PCM1: variants seen among roughly 807,000 people sequenced by gnomAD.
PCM1 encodes the protein pericentriolar material 1 protein.
Under a neutral mutation model 241.9 loss-of-function variants are expected in PCM1, and 157 were observed. The observed-to-expected ratio is 0.65, with a 90% CI of 0.57 to 0.74. The LOEUF is 0.74. Ranked by LOEUF, PCM1 falls within the 30% of genes least tolerant of loss-of-function variation. The pLI, the probability that PCM1 is intolerant of heterozygous loss-of-function variation, is 0.00. For missense variants in PCM1, 3,478 were observed against 2,360.1 expected, an observed-to-expected ratio of 1.47 and a Z score of -9.81; for synonymous variants, 1,085 against 784.9, an observed-to-expected ratio of 1.38 and a Z score of -6.39.
intron 2 of PCM1, chr8:17,934,812 C>T (rs986354163): frequency 2.6e-5 from 4 of 152,174 alleles, no homozygotes; most frequent in Non-Finnish European, 5.9e-5. Flanking sequence ...GCCTTTGAAC[C>T]TCTACTTCCA....
intron 34 of PCM1, among the ~76,000 whole-genome samples, chr8:18,012,305 A>G (rs1269862203): frequency 1.3e-5 from 2 of 152,172 alleles, no homozygotes; most frequent in Non-Finnish European, 2.9e-5. Flanking sequence ...TAATCACTTA[A>G]TAGCCATCTA....
In PCM1 at chr8:17,969,673, C is replaced by A; in HGVS notation, c.3509C>A (p.Ser1170Tyr). 6.2e-7 allele frequency: 1 copy of A among 1,613,080 alleles called. No homozygotes were observed. Among genetic ancestry groups the A allele is most frequent in the South Asian group, 1.1e-5 (1 of 91,026 alleles). Residue 1170 changes from serine to tyrosine, a missense_variant, in exon 22 of 39, where the codon TCT (serine) becomes TAT (tyrosine). Transcript: ENST00000325083. Reference protein sequence around the residue: ...SEQQQPLAQNSSGKTEYMAFP... With the variant: ...SEQQQPLAQNYSGKTEYMAFP... The stretch of plus-strand genomic sequence containing the variant: ...CAGCAGCAACCCTTAGCCCAGAATT[C>A]TTCAGGAAAAACAGAATATATGGCT...
Position 17,961,900 on chromosome 8 carries a change from T to C in PCM1, c.2323-134T>C. The C allele has an allele frequency of 9.6e-6, 6 of 623,060 alleles. No individual in the cohort carries two copies. The South Asian group carries it at 1.5e-4, about 15-fold the overall frequency. The allele number at this position is 623,060 out of a possible 1,614,324, so 38.6% of individuals were successfully genotyped here. A position where few individuals can be genotyped will look rare whatever the true frequency, so the allele number is the denominator to read the frequency against. On this transcript the variant is annotated intron_variant, in intron 15 of 38. Coordinates refer to ENST00000325083, the MANE Select transcript of PCM1 (RefSeq NM_006197.4). The stretch of plus-strand genomic sequence containing the variant: ...CTTATTTCATGTTATCTTCGGATGA[T>C]GATGGAAGTCAGGGTCTGATAGCAG...
rs752202203 is a variant in PCM1, at chr8:18,011,343, G to GTGAAGGATGTCCAGTGTC, written c.5329_5346dup (p.Glu1777_Ser1782dup). On this transcript the variant is annotated inframe_insertion, in exon 33 of 39. Coordinates refer to ENST00000325083, the MANE Select transcript of PCM1 (RefSeq NM_006197.4). ...TCTGATCAAGAGGAAGATGAAGAAA[G>GTGAAGGATGTCCAGTGTC]TGAAGGATGTCCAGTGTCTATTAGT... The GTGAAGGATGTCCAGTGTC allele has an allele frequency of 5.2e-5, 84 of 1,601,152 alleles. No homozygotes were observed. The Middle Eastern group carries it at 8.3e-4, about 16-fold the overall frequency.
intron 25 of PCM1, among the ~76,000 whole-genome samples, 154 bp from the exon 26 acceptor site, chr8:17,985,805 T>G (rs1439185906): frequency 6.6e-6 from 1 of 151,816 alleles, no homozygotes; most frequent in African/African-American, 2.4e-5. Context: ...TTTGAGTACT[T>G]TTTCAGTGTT....
chr8:17,951,838 A>G (rs1479108668), intron 8 of PCM1, among the ~76,000 whole-genome samples: 2 of 152,192 alleles, frequency 1.3e-5, no homozygotes, highest in Admixed American at 6.5e-5. Context: ...ATATGGGAAA[A>G]TCTTAAAATT....
Position 17,947,058 on chromosome 8 carries a change from A to G in PCM1, c.784-128A>G, listed in dbSNP as rs1248449326. The stretch of plus-strand genomic sequence containing the variant: ...TTCTTACTCTTTTTTCTTGATGTCT[A>G]CTAAAACTATATTTAGGGTTGTATA... On this transcript the variant is annotated intron_variant, in intron 6 of 38. Coordinates refer to ENST00000325083, the MANE Select transcript of PCM1 (RefSeq NM_006197.4). 7.2e-6 allele frequency: 4 copies of G among 557,768 alleles called. No homozygotes were observed. In the African/African-American group the frequency reaches 7.6e-5, roughly 11 times the overall value. 34.6% of individuals were successfully genotyped at this position (557,768 alleles called of 1,614,324 possible). A position where few individuals can be genotyped will look rare whatever the true frequency, so the allele number is the denominator to read the frequency against.
chr8:17,939,389 A>G (rs1343934088), intron 5 of PCM1, among the ~76,000 whole-genome samples: 1 of 71,118 alleles, frequency 1.4e-5, no homozygotes, highest in Non-Finnish European at 3.2e-5. Flanking sequence ...ACATTAGGAA[A>G]ATTTATATAA....
Position 17,980,585 on chromosome 8 carries a change from C to T in PCM1, c.3944-6C>T. 1 of 1,564,644 alleles carries T rather than the reference C, an allele frequency of 6.4e-7. No individual in the cohort carries two copies. Reference sequence around the variant, plus strand: ...CTGATAACAGTTGTCACTTTTTTTACTCAAGGGTATGAAAGTGCCAGTATG... The same window carrying T: ...CTGATAACAGTTGTCACTTTTTTTATTCAAGGGTATGAAAGTGCCAGTATG... On this transcript the variant is annotated splice_polypyrimidine_tract_variant and splice_region_variant and intron_variant, in intron 23 of 38. Coordinates refer to ENST00000325083, the MANE Select transcript of PCM1 (RefSeq NM_006197.4).
intron 21 of PCM1, chr8:17,969,338 A>G: frequency 5.3e-6 from 2 of 377,188 alleles, no homozygotes; most frequent in South Asian, 3.9e-5. Flanking sequence ...AGGTACCATT[A>G]TTTCTAACTT....
At chr8:18,026,502 G>A (rs919893394) in intron 38 of PCM1, among the ~76,000 whole-genome samples, 4 of 151,176 alleles carry the variant, frequency 2.6e-5, no homozygotes, top group African/African-American at 4.9e-5. Context: ...CTCGTGATCC[G>A]CCTGCCTCAG....
intron 1 of PCM1, among the ~76,000 whole-genome samples, chr8:17,923,761 G>C (rs558122801): frequency 4.6e-5 from 7 of 152,206 alleles, no homozygotes; most frequent in African/African-American, 1.7e-4. Flanking sequence ...GCCGGGGGAG[G>C]CGTTCCTGGG....
intron 2 of PCM1, among the ~76,000 whole-genome samples, chr8:17,931,821 G>A (rs1156909578): frequency 6.6e-6 from 1 of 151,948 alleles, no homozygotes; most frequent in African/African-American, 2.4e-5. Flanking sequence ...ATTTAAATGA[G>A]TCATTTTGGT....
rs887272257 is a variant in PCM1 at position 17,980,557 on chromosome 8, C to G, written c.3944-34C>G. On this transcript the variant is annotated intron_variant, in intron 23 of 38. Coordinates refer to ENST00000325083, the MANE Select transcript of PCM1 (RefSeq NM_006197.4). ...TTTCCCTTTTAGTTTGAGTTAGTTG[C>G]AACTGATAACAGTTGTCACTTTTTT... 3.2e-6 allele frequency: 5 copies of G among 1,540,594 alleles called. No individual in the cohort carries two copies. In the Admixed American group the frequency reaches 6.2e-5, roughly 19 times the overall value.
rs1053238201 is a variant in PCM1 at position 17,939,781 on chromosome 8, A to G, written c.703A>G (p.Asn235Asp). The change falls in exon 6 of 39, where the codon AAT becomes GAT. Residue 235 changes from asparagine (N) to aspartate (D), a missense_variant. Physicochemically the swap from Asn to Asp is conservative, Grantham distance 23. Transcript: ENST00000325083. ...TGTAGAGAAAAATGAGAGATCTGCT[A>G]ATGTTGAGCGCCTTACTCATCTAAT... ...DLVEKNERSA[N>D]VERLTHLIDH... 7 of 1,545,996 alleles carry G rather than the reference A, an allele frequency of 4.5e-6. No homozygotes were observed. The African/African-American group carries it at 8.2e-5, about 18-fold the overall frequency.
rs912288766 is a variant in PCM1 at position 18,005,437 on chromosome 8, A to T, written c.4828-826A>T. Among the ~76,000 whole-genome samples the T allele has an allele frequency of 2.6e-5, 4 of 151,020 alleles. No individual in the cohort carries two copies. In the South Asian group the frequency reaches 8.4e-4, roughly 32 times the overall value. ...TTAAGTCTGAGAGGGGACCTTGAAC[A>T]TCTAGTTTGGCACCCTCATTTTATA... On this transcript the variant is annotated intron_variant, in intron 29 of 38. Coordinates refer to ENST00000325083, the MANE Select transcript of PCM1 (RefSeq NM_006197.4).
chr8:17,933,663 C>T (rs970565148), intron 2 of PCM1, among the ~76,000 whole-genome samples: 1 of 152,098 alleles, frequency 6.6e-6, no homozygotes, highest in Non-Finnish European at 1.5e-5. Context: ...ATATATTTGT[C>T]ACTATTATAA....
At chr8:17,970,068 T>C (rs901491005) in intron 22 of PCM1, among the ~76,000 whole-genome samples, 4 of 152,196 alleles carry the variant, frequency 2.6e-5, no homozygotes, top group African/African-American at 9.6e-5. Context: ...TGCTAGAAGA[T>C]AGTTGTTAAG....
In PCM1 at chr8:17,956,101, C is replaced by T. The variant is rs760546960; in HGVS notation, c.1472+448C>T. 25 of 207,366 alleles carry T rather than the reference C, an allele frequency of 1.2e-4. No individual in the cohort carries two copies. The South Asian group carries it at 1.9e-3, about 16-fold the overall frequency. The allele number at this position is 207,366 out of a possible 1,614,324, so 12.8% of individuals were successfully genotyped here. ...ATGTTTTCATTAAAAAACGTTGGCG[C>T]AGTTCCTGGCACTTACAGTAAGAAC... On this transcript the variant is annotated intron_variant, in intron 10 of 38. Transcript: ENST00000325083.
Sources: allele counts gnomAD v4.1 joint callset (sites outside exome capture counted in the v4.1 genomes callset), GRCh38; gene constraint gnomAD v4.1.1; transcripts MANE v1.5; gene names NCBI Gene and HGNC (gene_info 2026-07-23, HGNC 2026-07-21).